The following CDH12 variants were observed in gnomAD, a reference collection of about 807,000 sequenced individuals.
CDH12 encodes cadherin 12.
A neutral mutation model predicts 74.1 loss-of-function variants in CDH12; 41 were observed. The observed-to-expected ratio is 0.55, with a 90% confidence interval of 0.43 to 0.72. The LOEUF is 0.72. Ranked by LOEUF, CDH12 falls within the 30% of genes least tolerant of loss-of-function variation. The probability of loss-of-function intolerance (pLI) is 0.00; values close to 1 mark genes in which losing one functional copy is unlikely to be tolerated. For synonymous variants in CDH12, 399 were observed against 355.0 expected (o/e 1.12, Z -1.39); for missense variants, 945 against 977.2 (o/e 0.97, Z 0.44).
At chr5:21,973,539 A>G (rs1756944118) in intron 6 of CDH12, among the ~76,000 whole-genome samples, 1 of 152,116 alleles carries the variant, frequency 6.6e-6, no homozygotes, top group South Asian at 2.1e-4. Context: ...CACAAGAAAA[A>G]TCCTAATTGT....
chr5:22,605,115 G>A (rs1253434008), intron 1 of CDH12, among the ~76,000 whole-genome samples: 4 of 152,176 alleles, frequency 2.6e-5, no homozygotes, highest in Non-Finnish European at 5.9e-5. Context: ...GCTTCATTCA[G>A]TCAGTTGAAG....
At chr5:22,420,343 T>A (rs1299273417) in intron 2 of CDH12, among the ~76,000 whole-genome samples, 1 of 152,176 alleles carries the variant, frequency 6.6e-6, no homozygotes, top group Non-Finnish European at 1.5e-5. Context: ...TTTTAGTTAA[T>A]TTTTGTATAA....
chr5:22,177,424 GAAT>G (rs1180877304), intron 4 of CDH12, among the ~76,000 whole-genome samples: 73 of 152,194 alleles, frequency 4.8e-4, no homozygotes, highest in Middle Eastern at 3.4e-3. Flanking sequence ...ACAGGGGAAG[GAAT>G]AATGAATCTC....
At chr5:21,977,461 A>G (rs1365371410) in intron 5 of CDH12, among the ~76,000 whole-genome samples, 1 of 152,180 alleles carries the variant, frequency 6.6e-6, no homozygotes, top group African/African-American at 2.4e-5. Flanking sequence ...TGCAAAAGGC[A>G]TGACTTTATA....
chr5:22,639,698 G>A (rs747164031), intron 1 of CDH12, among the ~76,000 whole-genome samples: 1 of 151,970 alleles, frequency 6.6e-6, no homozygotes, highest in Non-Finnish European at 1.5e-5. Flanking sequence ...TTTTTACCTG[G>A]TAAACTCAGT....
rs140788412 is a variant in CDH12, at chr5:22,123,996, C to T, written c.-186-45134G>A. Among the ~76,000 whole-genome samples, 393 of 150,970 alleles carry T rather than the reference C, an allele frequency of 2.6e-3. 18 individuals are homozygous for T. In the East Asian group the frequency reaches 0.069, roughly 27 times the overall value. On this transcript the variant is annotated intron_variant, in intron 4 of 14. Transcript: ENST00000382254. ...TTTTATTTTTTTTCTGGGATGGAGT[C>T]TCGCTCTGTCTCCCAGGCTGGAGTG... is the stretch of plus-strand genomic sequence containing the variant.
chr5:22,036,543 C>T (rs906268055), intron 5 of CDH12, among the ~76,000 whole-genome samples: 4 of 151,712 alleles, frequency 2.6e-5, no homozygotes, highest in Admixed American at 6.6e-5. Flanking sequence ...TTGGACTGTG[C>T]GTGTGTGTGT....
chr5:22,423,156 T>G (rs1256884545), intron 2 of CDH12, among the ~76,000 whole-genome samples: 1 of 148,896 alleles, frequency 6.7e-6, no homozygotes, highest in Non-Finnish European at 1.5e-5. Context: ...CAATTTGTGC[T>G]AATTTTACAC....
chr5:22,334,479 A>C (rs1243382144), intron 3 of CDH12, among the ~76,000 whole-genome samples: 1 of 152,146 alleles, frequency 6.6e-6, no homozygotes, highest in Non-Finnish European at 1.5e-5. Context: ...TACCAATGAC[A>C]TCCTTCATAG....
chr5:21,818,503 G>A (rs996275427), intron 8 of CDH12, among the ~76,000 whole-genome samples: 2 of 151,840 alleles, frequency 1.3e-5, no homozygotes, highest in African/African-American at 4.8e-5. Context: ...ATTAGCATGG[G>A]AAGCAGTTAA....
At chr5:22,812,305 G>C (rs1333656575) in intron 1 of CDH12, among the ~76,000 whole-genome samples, 1 of 152,054 alleles carries the variant, frequency 6.6e-6, no homozygotes, top group African/African-American at 2.4e-5. Context: ...TATTTTTTGA[G>C]GGAAGGCATA....
At chr5:22,267,954 T>G (rs768093571) in intron 3 of CDH12, among the ~76,000 whole-genome samples, 15 of 152,178 alleles carry the variant, frequency 9.9e-5, no homozygotes, top group Non-Finnish European at 2.2e-4. Context: ...CTTATAATTT[T>G]AAGCATCCCA....
intron 4 of CDH12, among the ~76,000 whole-genome samples, chr5:22,193,379 T>A (rs1465395267): frequency 6.6e-6 from 1 of 152,236 alleles, no homozygotes; most frequent in Non-Finnish European, 1.5e-5. Context: ...GCTATGAATG[T>A]TAGATGATGG....
chr5:22,076,851 G>A (rs1404866840), intron 5 of CDH12, among the ~76,000 whole-genome samples: 1 of 151,950 alleles, frequency 6.6e-6, no homozygotes, highest in Non-Finnish European at 1.5e-5. Flanking sequence ...TCTGGTCTAG[G>A]CTGGAAATGT....
chr5:21,764,835 TA>T, intron 12 of CDH12, 142 bp downstream of exon 12: 2 of 761,334 alleles, frequency 2.6e-6, no homozygotes, highest in Admixed American at 4.8e-5. Flanking sequence ...CACAAGAGTT[TA>T]ATTAATCTTT....
chr5:22,729,826 A>G (rs1353854894), intron 1 of CDH12, among the ~76,000 whole-genome samples: 2 of 151,906 alleles, frequency 1.3e-5, no homozygotes, highest in African/African-American at 4.8e-5. Flanking sequence ...ACTGACTTCT[A>G]TACGGCTCTC....
chr5:22,094,085 C>T (rs773566076), intron 4 of CDH12, among the ~76,000 whole-genome samples: 2 of 152,172 alleles, frequency 1.3e-5, no homozygotes, highest in South Asian at 4.1e-4. Context: ...GGCTGGAAAT[C>T]GCCCACATTT....
intron 4 of CDH12, chr5:22,142,750 T>C (rs1191881948): frequency 3.5e-6 from 1 of 286,010 alleles, no homozygotes; most frequent in African/African-American, 2.3e-5. Context: ...ATCATTTTGG[T>C]TTACTCAGAA....
intron 3 of CDH12, among the ~76,000 whole-genome samples, chr5:22,305,632 C>T (rs957983995): frequency 6.6e-6 from 1 of 152,084 alleles, no homozygotes; most frequent in African/African-American, 2.4e-5. Context: ...AAGGGCATAA[C>T]CTTGGGAGAC....
Sources: allele counts gnomAD v4.1 joint callset (sites outside exome capture counted in the v4.1 genomes callset), GRCh38; gene constraint gnomAD v4.1.1; transcripts MANE v1.5; gene names NCBI Gene and HGNC (gene_info 2026-07-23, HGNC 2026-07-21).